SORCS3: variants seen among roughly 807,000 people sequenced by gnomAD.
The protein encoded by SORCS3 is sortilin related VPS10 domain containing receptor 3.
A neutral mutation model predicts 146.3 loss-of-function variants in SORCS3; 57 were observed. The ratio of observed to expected loss-of-function variants is 0.39; its 90% CI spans 0.31 to 0.49. The LOEUF (loss-of-function observed/expected upper bound fraction) is 0.49, where lower values mean the gene tolerates loss of function less well. Among genes scored for constraint, SORCS3 ranks in the 20% least tolerant of loss-of-function variants. SORCS3 has a pLI of 0.92. For synonymous variants in SORCS3, 653 were observed against 618.5 expected (o/e 1.06, Z -0.83); for missense variants, 1,341 against 1,575.5 (o/e 0.85, Z 2.52).
intron 1 of SORCS3, among the ~76,000 whole-genome samples, chr10:104,663,923 A>G (rs1356035470): frequency 2.6e-5 from 4 of 152,082 alleles, no homozygotes; most frequent in Non-Finnish European, 5.9e-5. Context: ...CTGAATGTGC[A>G]TGCTGCCTGC....
intron 20 of SORCS3, among the ~76,000 whole-genome samples, chr10:105,225,434 G>A (rs942849952): frequency 6.6e-6 from 1 of 151,582 alleles, no homozygotes; most frequent in South Asian, 2.1e-4. Flanking sequence ...TGGTTCCATT[G>A]GTCTGTTTTC....
chr10:104,692,153 G>A (rs2016121400), intron 1 of SORCS3, among the ~76,000 whole-genome samples: 1 of 152,184 alleles, frequency 6.6e-6, no homozygotes, highest in Non-Finnish European at 1.5e-5. Context: ...AGGATCTGGG[G>A]AAGGGATTGA....
At chr10:104,898,537 G>T (rs927623649) in intron 2 of SORCS3, among the ~76,000 whole-genome samples, 15 of 152,252 alleles carry the variant, frequency 9.9e-5, no homozygotes, top group African/African-American at 3.6e-4. Flanking sequence ...ATATTCCTGT[G>T]GCAGGGACTG....
At chr10:104,666,527 T>G (rs1343249389) in intron 1 of SORCS3, among the ~76,000 whole-genome samples, 3 of 152,228 alleles carry the variant, frequency 2.0e-5, no homozygotes, top group Non-Finnish European at 2.9e-5. Flanking sequence ...AGAGCTTTTG[T>G]GGAATGTAGA....
chr10:104,780,965 T>C (rs1311781118), intron 1 of SORCS3, among the ~76,000 whole-genome samples: 3 of 152,244 alleles, frequency 2.0e-5, no homozygotes, highest in Non-Finnish European at 4.4e-5. Context: ...TATTCTCTAA[T>C]ATCAGAGAGT....
At chr10:104,645,078 G>A (rs1254241612) in intron 1 of SORCS3, among the ~76,000 whole-genome samples, 3 of 152,152 alleles carry the variant, frequency 2.0e-5, no homozygotes, top group African/African-American at 7.2e-5. Context: ...AGTGCAACTG[G>A]CTTTGGGCAA....
intron 4 of SORCS3, among the ~76,000 whole-genome samples, chr10:105,039,528 C>T (rs539589619): frequency 5.0e-4 from 70 of 139,602 alleles, no homozygotes; most frequent in African/African-American, 1.8e-3. Flanking sequence ...GTGATCTTGG[C>T]TCACTGCAGC....
At chr10:104,911,678 T>C (rs1385709528) in intron 2 of SORCS3, among the ~76,000 whole-genome samples, 5 of 152,226 alleles carry the variant, frequency 3.3e-5, no homozygotes. Flanking sequence ...CTTAGGATTA[T>C]GTAAGTAAAC....
At chr10:105,183,515 C>G (rs897673959) in intron 14 of SORCS3, among the ~76,000 whole-genome samples, 3 of 152,136 alleles carry the variant, frequency 2.0e-5, no homozygotes, top group Admixed American at 2.0e-4. Flanking sequence ...TAACTGCATC[C>G]GATAAAGTCG....
At chr10:105,133,535 T>C (rs1410172963) in intron 7 of SORCS3, among the ~76,000 whole-genome samples, 1 of 152,196 alleles carries the variant, frequency 6.6e-6, no homozygotes, top group Admixed American at 6.5e-5. Context: ...AATTAGTTGC[T>C]CTCTCTCAGC....
intron 3 of SORCS3, among the ~76,000 whole-genome samples, chr10:104,924,308 G>T (rs2019117238): frequency 6.6e-6 from 1 of 152,182 alleles, no homozygotes; most frequent in Admixed American, 6.5e-5. Context: ...TCTCTGCCAA[G>T]CCCATAAGGC....
intron 2 of SORCS3, among the ~76,000 whole-genome samples, chr10:104,844,432 C>G (rs2018181312): frequency 6.6e-6 from 1 of 152,172 alleles, no homozygotes; most frequent in Non-Finnish European, 1.5e-5. Flanking sequence ...TTTCTAGGAG[C>G]AGGCTAGGCA....
chr10:104,912,046 T>C (rs906646805), intron 2 of SORCS3, among the ~76,000 whole-genome samples: 2 of 152,222 alleles, frequency 1.3e-5, no homozygotes, highest in Non-Finnish European at 2.9e-5. Context: ...CTTTTTCTAT[T>C]TGGAGTTGAG....
chr10:105,134,234 T>C (rs569726826), intron 7 of SORCS3, among the ~76,000 whole-genome samples: 2 of 152,182 alleles, frequency 1.3e-5, no homozygotes, highest in African/African-American at 4.8e-5. Flanking sequence ...AAAACCTCTG[T>C]AGAGTTGTTA....
intron 1 of SORCS3, among the ~76,000 whole-genome samples, chr10:104,673,167 T>C (rs534428504): frequency 6.6e-6 from 1 of 152,318 alleles, no homozygotes; most frequent in East Asian, 1.9e-4. Context: ...GAGTCTCTTA[T>C]AGACAGCATA....
At chr10:104,921,105 T>C (rs902926364) in intron 3 of SORCS3, among the ~76,000 whole-genome samples, 4 of 152,226 alleles carry the variant, frequency 2.6e-5, no homozygotes, top group Non-Finnish European at 5.9e-5. Context: ...GTGGGGCTAG[T>C]AAGCTCTAGC....
At chr10:104,972,654 CAG>C (rs919446585) in intron 3 of SORCS3, among the ~76,000 whole-genome samples, 65 of 150,660 alleles carry the variant, frequency 4.3e-4, no homozygotes, top group African/African-American at 1.6e-3. Context: ...GAGAGAGAGA[CAG>C]AGAGAGAGAG....
At chr10:105,183,470 C>T (rs1282931229) in intron 14 of SORCS3, among the ~76,000 whole-genome samples, 2 of 152,180 alleles carry the variant, frequency 1.3e-5, no homozygotes, top group Admixed American at 6.5e-5. Context: ...CGCAGAGGCT[C>T]AGCACTGAGC....
chr10:104,956,892 A>G (rs1283836729), intron 3 of SORCS3, among the ~76,000 whole-genome samples: 2 of 152,194 alleles, frequency 1.3e-5, no homozygotes, highest in African/African-American at 2.4e-5. Context: ...ACAGACACCA[A>G]AATGAATACC....
Sources: allele counts gnomAD v4.1 joint callset (sites outside exome capture counted in the v4.1 genomes callset), GRCh38; gene constraint gnomAD v4.1.1; transcripts MANE v1.5; gene names NCBI Gene and HGNC (gene_info 2026-07-23, HGNC 2026-07-21).